PSMA5: variants seen among roughly 807,000 people sequenced by gnomAD.
PSMA5 encodes proteasome 20S subunit alpha 5.
Under a neutral mutation model 34.5 loss-of-function variants are expected in PSMA5, and 3 were observed. The ratio of observed to expected loss-of-function variants is 0.09; its 90% CI spans 0.04 to 0.22. The LOEUF is 0.22. Among genes scored for constraint, PSMA5 ranks in the 10% least tolerant of loss-of-function variants. The pLI is 1.00. For synonymous variants in PSMA5, 88 were observed against 95.8 expected (o/e 0.92, Z 0.47); for missense variants, 120 against 286.1 (o/e 0.42, Z 4.19).
intron 1 of PSMA5, among the ~76,000 whole-genome samples, chr1:109,422,634 G>A (rs12024582): frequency 0.7 from 106,183 of 151,900 alleles, 37,655 homozygotes; most frequent in East Asian, 0.96. Context: ...CACCACGCCC[G>A]GCTAATTTTT....
Position 109,426,391 on chromosome 1 carries a change from G to C in PSMA5, c.-61C>G. 3 of 1,600,446 alleles carry C rather than the reference G, an allele frequency of 1.9e-6. No individual in the cohort carries two copies. The highest frequency in any genetic ancestry group is 2.6e-6 in the Non-Finnish European group (3 of 1,167,988). ...TTCTGAGGACCAACACGACTCCACC[G>C]GCACCCAACTCACCGGCAGCCAACT... On this transcript the variant is annotated 5_prime_UTR_variant, in exon 1 of 9. Coordinates refer to ENST00000271308, the MANE Select transcript of PSMA5 (RefSeq NM_002790.4).
chr1:109,403,473 A>T (rs4970846), intron 8 of PSMA5, among the ~76,000 whole-genome samples: 1 of 149,596 alleles, frequency 6.7e-6, no homozygotes, highest in South Asian at 2.1e-4. Context: ...AAAAAAAAAA[A>T]CCCCAAAAAC....
At position 109,400,322 on chromosome 1, in the gene PSMA5, T is replaced by G. The variant is rs1024238277; in HGVS notation, c.*1691A>C. ...ATTAACCTAGAGTTAAAAAGGAATA[T>G]TGTTTATTGTTTGGCTCTCCCCACT... On this transcript the variant is annotated 3_prime_UTR_variant, in exon 9 of 9. Transcript: ENST00000271308. 2.0e-5 allele frequency: 3 copies of G among 152,240 alleles called. No homozygotes were observed. Among genetic ancestry groups the G allele is most frequent in the African/African-American group, 7.2e-5 (3 of 41,454 alleles). The allele number at this position is 152,240 out of a possible 1,614,324, so 9.4% of individuals were successfully genotyped here.
chr1:109,410,804 G>T (rs1287244001), intron 7 of PSMA5, among the ~76,000 whole-genome samples: 1 of 152,146 alleles, frequency 6.6e-6, no homozygotes, highest in Non-Finnish European at 1.5e-5. Context: ...ATGGAGAGTG[G>T]TAAACATGGT....
intron 2 of PSMA5, among the ~76,000 whole-genome samples, chr1:109,419,654 T>C (rs919025163): frequency 6.6e-6 from 1 of 151,144 alleles, no homozygotes; most frequent in Admixed American, 6.6e-5. Flanking sequence ...AATACAAAAA[T>C]TAGGTGTGGT....
At chr1:109,410,083 C>T (rs971496080) in intron 7 of PSMA5, 69 bp from the exon 8 acceptor site, 3 of 1,041,758 alleles carry the variant, frequency 2.9e-6, no homozygotes, top group Non-Finnish European at 4.4e-6. Context: ...AAAGATTTTC[C>T]CTTTATCTCA....
chr1:109,425,172 C>T (rs993563655), intron 1 of PSMA5, among the ~76,000 whole-genome samples: 3 of 152,184 alleles, frequency 2.0e-5, no homozygotes, highest in Non-Finnish European at 4.4e-5. Flanking sequence ...AGCACTCAAG[C>T]ACATTAACTA....
chr1:109,424,167 T>C (rs1274025203), intron 1 of PSMA5, among the ~76,000 whole-genome samples: 1 of 152,216 alleles, frequency 6.6e-6, no homozygotes, highest in Non-Finnish European at 1.5e-5. Context: ...GTCAGCTCCT[T>C]TGTGAAGTTT....
chr1:109,421,825 T>A (rs758740948), intron 2 of PSMA5, 35 bp downstream of exon 2: 4 of 1,505,748 alleles, frequency 2.7e-6, no homozygotes, highest in Non-Finnish European at 3.6e-6. Flanking sequence ...TAGGTAGCCA[T>A]GAAATTTCAG....
intron 7 of PSMA5, 127 bp downstream of exon 7, chr1:109,410,884 G>T: frequency 1.5e-6 from 1 of 685,132 alleles, no homozygotes; most frequent in East Asian, 2.8e-5. Flanking sequence ...TGGTGGTGAT[G>T]AAAGTGTTAT....
intron 4 of PSMA5, chr1:109,412,639 A>AC (rs1044240623): frequency 4.1e-5 from 7 of 170,182 alleles, no homozygotes; most frequent in African/African-American, 1.2e-4. Flanking sequence ...TAAAAAAAAA[A>AC]AAAACAGTAT....
At chr1:109,426,140 T>C (rs1000157686) in intron 1 of PSMA5, 162 bp downstream of exon 1, 130 of 900,608 alleles carry the variant, frequency 1.4e-4, no homozygotes, top group Non-Finnish European at 6.5e-5. Flanking sequence ...TGGTCTAGCT[T>C]GGGGAAGGAC....
intron 8 of PSMA5, among the ~76,000 whole-genome samples, chr1:109,403,696 C>G (rs940369816): frequency 3.3e-5 from 5 of 151,944 alleles, no homozygotes; most frequent in African/African-American, 1.2e-4. Context: ...AAGTAATTTT[C>G]AGTACTAATA....
At chr1:109,421,472 AAAAAAGAAAG>A (rs1366600875) in intron 2 of PSMA5, among the ~76,000 whole-genome samples, 4,764 of 151,398 alleles carry the variant, frequency 0.031, 247 homozygotes, top group African/African-American at 0.11. Flanking sequence ...CAAAAAAAAA[AAAAAAGAAAG>A]AAAAAGAAAG....
intron 8 of PSMA5, among the ~76,000 whole-genome samples, chr1:109,408,674 C>T (rs533595554): frequency 6.6e-6 from 1 of 151,958 alleles, no homozygotes; most frequent in East Asian, 1.9e-4. Flanking sequence ...CTATCCTAAC[C>T]TCTCCTTTTA....
rs781723154 is a variant in PSMA5 at position 109,426,336 on chromosome 1, G to A, written c.-6C>T. On this transcript the variant is annotated 5_prime_UTR_variant, in exon 1 of 9. Transcript: ENST00000271308. ...TCAGACCGGGTAAGAAACATGGCGA[G>A]GGTAGGAGGAGGCAGCGGCTACGCG... 6.2e-6 allele frequency: 10 copies of A among 1,614,026 alleles called. No individual in the cohort carries two copies. In the Admixed American group the frequency reaches 1.7e-4, roughly 27 times the overall value.
At chr1:109,408,696 T>TA (rs1653882161) in intron 8 of PSMA5, among the ~76,000 whole-genome samples, 1 of 132,566 alleles carries the variant, frequency 7.5e-6, no homozygotes, top group Non-Finnish European at 1.7e-5. Flanking sequence ...TTCTTTCAGC[T>TA]TTTTTTTTTT....
At chr1:109,417,791 A>G (rs918881914) in intron 2 of PSMA5, among the ~76,000 whole-genome samples, 2 of 152,232 alleles carry the variant, frequency 1.3e-5, no homozygotes, top group African/African-American at 4.8e-5. Context: ...CAAAAGCCAC[A>G]GTAAGGAATA....
chr1:109,415,532 C>T (rs72983037), intron 2 of PSMA5, among the ~76,000 whole-genome samples, 169 bp from the exon 3 acceptor site: 2,469 of 152,290 alleles, frequency 0.016, 69 homozygotes, highest in African/African-American at 0.057. Context: ...TATACTATTC[C>T]TGTCAATAGC....
Sources: gnomAD v4.1 joint callset for allele counts (sites outside exome capture counted in the v4.1 genomes callset) on GRCh38, gnomAD v4.1.1 for gene constraint, MANE v1.5 for transcripts, NCBI Gene and HGNC (gene_info 2026-07-23, HGNC 2026-07-21) for gene names.